The following SAMD5 variants were observed in gnomAD, a reference collection of about 807,000 sequenced individuals.
The protein encoded by SAMD5 is sterile alpha motif domain-containing protein 5.
Under a neutral mutation model 11.3 loss-of-function variants are expected in SAMD5, and 13 were observed. The observed-to-expected ratio is 1.15, with a 90% CI of 0.75 to 1.83. SAMD5 has a LOEUF of 1.83. Ranked by LOEUF, SAMD5 falls within the 40% of genes most tolerant of loss-of-function variation. SAMD5 has a pLI of 0.00. For missense variants in SAMD5, 255 were observed against 239.1 expected (o/e 1.07, Z -0.44); for synonymous variants, 129 against 111.3 (o/e 1.16, Z -1.00).
chr6:147,934,613 A>G, the SAMD5 span, among the ~76,000 whole-genome samples: 8 of 152,072 alleles, frequency 5.3e-5, no homozygotes, highest in Admixed American at 2.6e-4. Context: ...GGAAGTCCAG[A>G]GGCAGCAGGG....
At chr6:147,682,480 G>T (rs2128456408) in intron 1 of SAMD5, among the ~76,000 whole-genome samples, 1 of 152,198 alleles carries the variant, frequency 6.6e-6, no homozygotes, top group Admixed American at 6.5e-5. Context: ...ACTCCAAGGT[G>T]CACCCGAGAG....
intron 1 of SAMD5, among the ~76,000 whole-genome samples, chr6:147,599,845 C>T (rs1037579539): frequency 3.9e-5 from 6 of 152,154 alleles, no homozygotes; most frequent in African/African-American, 1.4e-4. Context: ...ACTGGACCAG[C>T]CTGACCTCTG....
Position 147,585,719 on chromosome 6 carries a change from G to C in SAMD5, c.162+76332G>C, listed in dbSNP as rs551595816. On this transcript the variant is annotated intron_variant, in intron 1 of 1. Coordinates refer to the SAMD5 transcript ENST00000566741. The stretch of plus-strand genomic sequence containing the variant: ...AGCCATTTCTTCATCATTTAAAAAA[G>C]AATTCTGAGTTTTGGTCTTTAATTA... 6.6e-5 allele frequency among the ~76,000 whole-genome samples: 10 copies of C among 152,136 alleles called. No homozygotes were observed. The South Asian group carries it at 2.1e-3, about 32-fold the overall frequency.
rs1789025172 is a variant in SAMD5, at chr6:147,565,611, C to G, written c.*1155C>G. ...TAGCTGGGATTACAGGCACGCATCACCACACCCAGCTAATTTTTTTGTATT... is the reference window on the plus strand; with the variant it reads ...TAGCTGGGATTACAGGCACGCATCAGCACACCCAGCTAATTTTTTTGTATT... On this transcript the variant is annotated 3_prime_UTR_variant, in exon 2 of 2. Coordinates refer to ENST00000367474, the MANE Select transcript of SAMD5 (RefSeq NM_001030060.3). 2.4e-6 allele frequency: 1 copy of G among 416,940 alleles called. No individual in the cohort carries two copies. Among genetic ancestry groups the G allele is most frequent in the Admixed American group, 6.4e-5 (1 of 15,550 alleles). The allele number at this position is 416,940 out of a possible 1,614,324, so 25.8% of individuals were successfully genotyped here. A position where few individuals can be genotyped will look rare whatever the true frequency, so the allele number is the denominator to read the frequency against.
chr6:147,804,906 A>G, the SAMD5 span, among the ~76,000 whole-genome samples: 2 of 152,364 alleles, frequency 1.3e-5, no homozygotes, highest in South Asian at 4.1e-4. Context: ...TGAAATGAAA[A>G]AGAAAGAATT....
At chr6:147,659,787 C>T in intron 1 of SAMD5, among the ~76,000 whole-genome samples, 1 of 152,074 alleles carries the variant, frequency 6.6e-6, no homozygotes. Flanking sequence ...ATTTTCCATT[C>T]CACCCCTCCC....
At chr6:147,707,749 TAAAC>T (rs1294585196) in intron 1 of SAMD5, among the ~76,000 whole-genome samples, 2 of 152,186 alleles carry the variant, frequency 1.3e-5, no homozygotes, top group Non-Finnish European at 2.9e-5. Flanking sequence ...CACCCCATAC[TAAAC>T]AGATACTGAA....
At chr6:147,783,279 G>A in the SAMD5 span, among the ~76,000 whole-genome samples, 30 of 151,594 alleles carry the variant, frequency 2.0e-4, no homozygotes, top group Non-Finnish European at 4.1e-4. Flanking sequence ...AAATATTAAT[G>A]ATAATAATAT....
At chr6:147,551,709 C>T (rs1788773902) in intron 1 of SAMD5, among the ~76,000 whole-genome samples, 1 of 150,930 alleles carries the variant, frequency 6.6e-6, no homozygotes, top group South Asian at 2.1e-4. Flanking sequence ...TAGTAAAATG[C>T]AGTAATGTGA....
At chr6:147,766,653 T>C in the SAMD5 span, among the ~76,000 whole-genome samples, 1 of 152,290 alleles carries the variant, frequency 6.6e-6, no homozygotes, top group African/African-American at 2.4e-5. Context: ...TAGAGAAAGT[T>C]ATTAAAGAAT....
chr6:147,736,408 A>G (rs781534266), intron 1 of SAMD5, among the ~76,000 whole-genome samples: 3 of 152,326 alleles, frequency 2.0e-5, no homozygotes, highest in Non-Finnish European at 2.9e-5. Flanking sequence ...TTTGATATGT[A>G]ATGTTTGAAA....
At chr6:147,826,621 C>T in the SAMD5 span, among the ~76,000 whole-genome samples, 1 of 152,152 alleles carries the variant, frequency 6.6e-6, no homozygotes, top group Non-Finnish European at 1.5e-5. Flanking sequence ...TGTCTAGTCT[C>T]TTTATTGTAT....
Position 147,699,263 on chromosome 6 carries a change from C to T in SAMD5, c.163-38054C>T, listed in dbSNP as rs548725683. 6.7e-4 allele frequency among the ~76,000 whole-genome samples: 102 copies of T among 152,270 alleles called. 1 individual carries two copies. The South Asian group carries it at 0.02, about 30-fold the overall frequency. On this transcript the variant is annotated intron_variant, in intron 1 of 1. Coordinates refer to the SAMD5 transcript ENST00000566741. ...GCAGAGGCTCAGTAAATCTTCCCTG[C>T]ATTTGCATATGAATGAATTGAATAC...
At chr6:147,666,886 CT>C (rs796375088) in intron 1 of SAMD5, among the ~76,000 whole-genome samples, 1 of 152,174 alleles carries the variant, frequency 6.6e-6, no homozygotes, top group Non-Finnish European at 1.5e-5. Flanking sequence ...ACCCTTTCCC[CT>C]GGCCCTTTCC....
At chr6:147,628,492 C>T (rs719454) in intron 1 of SAMD5, among the ~76,000 whole-genome samples, 72,200 of 151,870 alleles carry the variant, frequency 0.48, 17,618 homozygotes, top group Middle Eastern at 0.57. Flanking sequence ...TAAGATTATT[C>T]GCTTTGATGA....
intron 1 of SAMD5, among the ~76,000 whole-genome samples, chr6:147,613,610 G>A (rs1789818785): frequency 1.3e-5 from 2 of 152,024 alleles, no homozygotes; most frequent in South Asian, 2.1e-4. Flanking sequence ...TCCATTAAAT[G>A]TTTGTCAAGT....
the SAMD5 span, among the ~76,000 whole-genome samples, chr6:147,794,691 G>T: frequency 6.6e-6 from 1 of 152,098 alleles, no homozygotes; most frequent in African/African-American, 2.4e-5. Context: ...ATCATATGGG[G>T]TAAGGCATAG....
the SAMD5 span, among the ~76,000 whole-genome samples, chr6:147,835,264 G>A: frequency 2.8e-5 from 4 of 144,830 alleles, no homozygotes; most frequent in Non-Finnish European, 4.5e-5. Flanking sequence ...AACAGTATAT[G>A]AGATTGTGCA....
intron 1 of SAMD5, among the ~76,000 whole-genome samples, chr6:147,719,462 A>T (rs1233158275): frequency 1.3e-5 from 2 of 152,158 alleles, no homozygotes; most frequent in African/African-American, 2.4e-5. Flanking sequence ...TAGCCTCATC[A>T]TCTCCTTTGA....
Sources: gnomAD v4.1 joint callset for allele counts (sites outside exome capture counted in the v4.1 genomes callset) on GRCh38, gnomAD v4.1.1 for gene constraint, MANE v1.5 for transcripts, NCBI Gene and HGNC (gene_info 2026-07-23, HGNC 2026-07-21) for gene names.